Variants in TP63 observed in about 807,000 individuals in gnomAD.
The protein encoded by TP63 is tumor protein p63.
In TP63, 17 loss-of-function variants were observed where a neutral mutation model predicts 82.8. That is an observed-to-expected ratio of 0.21 (90% CI 0.14 to 0.31). TP63 has a LOEUF of 0.31. TP63 is among the 10% of genes least tolerant of loss of function. The pLI, the probability that TP63 is intolerant of heterozygous loss-of-function variation, is 1.00. For missense variants in TP63, 648 were observed against 895.3 expected (o/e 0.72, Z 3.52); for synonymous variants, 330 against 321.7 (o/e 1.03, Z -0.28).
the TP63 span, among the ~76,000 whole-genome samples, chr3:189,607,327 G>A: frequency 1.3e-5 from 2 of 152,162 alleles, no homozygotes; most frequent in Admixed American, 1.3e-4. Flanking sequence ...TGACAAGCGT[G>A]TCATAGAAGC....
intron 1 of TP63, among the ~76,000 whole-genome samples, chr3:189,735,920 A>G (rs1314229789): frequency 6.6e-6 from 1 of 152,090 alleles, no homozygotes; most frequent in Non-Finnish European, 1.5e-5. Flanking sequence ...GATTTTATCA[A>G]TGTCACTATC....
chr3:189,786,978 A>T (rs1460198051), intron 3 of TP63, among the ~76,000 whole-genome samples: 1 of 152,070 alleles, frequency 6.6e-6, no homozygotes, highest in African/African-American at 2.4e-5. Flanking sequence ...TCAATGCATG[A>T]TATTTACATC....
At chr3:189,789,211 C>T (rs573884490) in intron 3 of TP63, among the ~76,000 whole-genome samples, 3 of 152,198 alleles carry the variant, frequency 2.0e-5, no homozygotes, top group African/African-American at 4.8e-5. Flanking sequence ...GATTTGCGTA[C>T]TCTCTCCTAA....
intron 4 of TP63, among the ~76,000 whole-genome samples, chr3:189,813,566 T>A (rs1239873462): frequency 6.6e-6 from 1 of 151,504 alleles, no homozygotes; most frequent in African/African-American, 2.4e-5. Flanking sequence ...GTACTCTCTG[T>A]GTGCATACGC....
At chr3:189,835,159 C>T (rs6444399) in intron 4 of TP63, among the ~76,000 whole-genome samples, 144,468 of 152,194 alleles carry the variant, frequency 0.95, 68,667 homozygotes, top group African/African-American at 0.98. Flanking sequence ...TTAAAATCTT[C>T]TTAACTTTAT....
At chr3:189,887,362 T>A (rs564029500) in intron 11 of TP63, among the ~76,000 whole-genome samples, 1 of 152,310 alleles carries the variant, frequency 6.6e-6, no homozygotes, top group Admixed American at 6.5e-5. Context: ...TGTTACTCTA[T>A]AATCCTGGCC....
At chr3:189,886,890 G>A (rs1485687699) in intron 11 of TP63, among the ~76,000 whole-genome samples, 2 of 152,088 alleles carry the variant, frequency 1.3e-5, no homozygotes, top group African/African-American at 4.8e-5. Context: ...CATGCATAAA[G>A]TAGCATGTTG....
chr3:189,750,126 A>AG (rs1721697112), intron 3 of TP63, among the ~76,000 whole-genome samples: 3 of 33,596 alleles, frequency 8.9e-5, no homozygotes, highest in African/African-American at 5.3e-4. Flanking sequence ...TCTGTCTCAG[A>AG]AAAAAAAAAA....
At chr3:189,692,080 C>G (rs755880449) in intron 1 of TP63, among the ~76,000 whole-genome samples, 2 of 152,126 alleles carry the variant, frequency 1.3e-5, no homozygotes, top group African/African-American at 2.4e-5. Context: ...AACATTATTT[C>G]TAGCACTCTC....
At chr3:189,731,379 A>C (rs973092516) in intron 1 of TP63, among the ~76,000 whole-genome samples, 1 of 152,172 alleles carries the variant, frequency 6.6e-6, no homozygotes, top group African/African-American at 2.4e-5. Context: ...TTAGGTTTTC[A>C]TGAAATATAT....
chr3:189,866,860 C>T (rs749948313), intron 6 of TP63, 63 bp downstream of exon 6: 155 of 1,306,922 alleles, frequency 1.2e-4, no homozygotes, highest in Non-Finnish European at 1.6e-4. Flanking sequence ...CTTGAGAGAA[C>T]ATCTGTTTCA....
chr3:189,643,583 A>G (rs1577164855), intron 1 of TP63, among the ~76,000 whole-genome samples: 1 of 152,274 alleles, frequency 6.6e-6, no homozygotes, highest in African/African-American at 2.4e-5. Context: ...AACTCTTGAC[A>G]CAATCAGATT....
intron 4 of TP63, among the ~76,000 whole-genome samples, chr3:189,812,770 G>T (rs1385745013): frequency 1.3e-5 from 2 of 152,014 alleles, no homozygotes; most frequent in African/African-American, 2.4e-5. Context: ...GAATTTCTTC[G>T]GTTCGTGAGT....
intron 1 of TP63, among the ~76,000 whole-genome samples, chr3:189,632,852 T>G (rs35837956): frequency 0.12 from 17,926 of 152,144 alleles, 1,448 homozygotes; most frequent in East Asian, 0.4. Context: ...AAAGATTTTC[T>G]GGTTCTCAAA....
At chr3:189,723,195 G>T (rs1430666524) in intron 1 of TP63, among the ~76,000 whole-genome samples, 2 of 152,142 alleles carry the variant, frequency 1.3e-5, no homozygotes. Context: ...GTTACTACTG[G>T]ATTCTCCTTC....
the TP63 span, among the ~76,000 whole-genome samples, chr3:189,599,865 T>G: frequency 6.6e-6 from 1 of 152,234 alleles, no homozygotes; most frequent in Non-Finnish European, 1.5e-5. Context: ...TTCCTCAGCT[T>G]TATATTTTAA....
intron 1 of TP63, among the ~76,000 whole-genome samples, chr3:189,672,717 GC>G (rs1715035056): frequency 5.6e-5 from 8 of 142,066 alleles, no homozygotes; most frequent in African/African-American, 2.0e-4. Flanking sequence ...AAGAAGGAAG[GC>G]AGGCAGGCAG....
chr3:189,611,468 A>G, the TP63 span, among the ~76,000 whole-genome samples: 1 of 151,910 alleles, frequency 6.6e-6, no homozygotes, highest in Admixed American at 6.6e-5. Context: ...GTGAGGCCTT[A>G]TTGCTGAGCC....
At chr3:189,746,286 A>T (rs1410086730) in intron 3 of TP63, among the ~76,000 whole-genome samples, 1 of 152,084 alleles carries the variant, frequency 6.6e-6, no homozygotes, top group Non-Finnish European at 1.5e-5. Flanking sequence ...AGAAAAAAAA[A>T]ATGTCAGTCA....
Sources: allele counts gnomAD v4.1 joint callset (sites outside exome capture counted in the v4.1 genomes callset), GRCh38; gene constraint gnomAD v4.1.1; transcripts MANE v1.5; gene names NCBI Gene and HGNC (gene_info 2026-07-23, HGNC 2026-07-21).